The following VPS41 variants were observed in gnomAD, a reference collection of about 807,000 sequenced individuals.
VPS41 encodes vacuolar protein sorting-associated protein 41 homolog.
A neutral mutation model predicts 130.9 loss-of-function variants in VPS41; 85 were observed. That is an observed-to-expected ratio of 0.65 (90% CI 0.55 to 0.78). The LOEUF is 0.78. Ranked by LOEUF, VPS41 falls within the 30% of genes least tolerant of loss-of-function variation. The probability of loss-of-function intolerance (pLI) is 0.00; values close to 1 mark genes in which losing one functional copy is unlikely to be tolerated. For missense variants in VPS41, 874 were observed against 1,018.7 expected, an observed-to-expected ratio of 0.86 and a Z score of 1.93; for synonymous variants, 335 against 332.9, an observed-to-expected ratio of 1.01 and a Z score of -0.07.
intron 6 of VPS41, among the ~76,000 whole-genome samples, chr7:38,820,666 T>C (rs1785152216): frequency 6.6e-6 from 1 of 152,222 alleles, no homozygotes; most frequent in African/African-American, 2.4e-5. Flanking sequence ...TCTTGTGAAA[T>C]CAGTCTTTTA....
intron 14 of VPS41, among the ~76,000 whole-genome samples, chr7:38,769,872 T>C (rs1456495322): frequency 6.6e-6 from 1 of 152,122 alleles, no homozygotes; most frequent in Non-Finnish European, 1.5e-5. Flanking sequence ...AACAGGGAAA[T>C]CTGATGTCTG....
At chr7:38,805,740 G>C (rs1200008170) in intron 7 of VPS41, among the ~76,000 whole-genome samples, 1 of 152,102 alleles carries the variant, frequency 6.6e-6, no homozygotes, top group Non-Finnish European at 1.5e-5. Flanking sequence ...ATGGTTTTGG[G>C]GCAGACTCAC....
intron 1 of VPS41, among the ~76,000 whole-genome samples, chr7:38,900,837 A>G (rs1787124660): frequency 6.6e-6 from 1 of 152,338 alleles, no homozygotes; most frequent in Middle Eastern, 3.4e-3. Context: ...ATCCTACCAA[A>G]GCAATGCATG....
At chr7:38,743,126 T>C (rs1285536265) in intron 24 of VPS41, among the ~76,000 whole-genome samples, 6 of 152,162 alleles carry the variant, frequency 3.9e-5, no homozygotes, top group Admixed American at 3.9e-4. Context: ...TTCAATTTGC[T>C]TGCAGCAGGT....
chr7:38,900,510 T>C (rs1052993631), intron 1 of VPS41, among the ~76,000 whole-genome samples: 4 of 151,966 alleles, frequency 2.6e-5, no homozygotes, highest in East Asian at 1.9e-4. Flanking sequence ...TGTAACAAAA[T>C]TGCACCTGTA....
intron 25 of VPS41, among the ~76,000 whole-genome samples, chr7:38,731,859 G>A (rs764197613): frequency 5.3e-5 from 8 of 151,902 alleles, no homozygotes; most frequent in South Asian, 4.2e-4. Flanking sequence ...ATTTTCCCAC[G>A]TGCTTCAGAT....
intron 6 of VPS41, among the ~76,000 whole-genome samples, chr7:38,818,294 A>G (rs1200442760): frequency 1.3e-5 from 2 of 152,050 alleles, no homozygotes; most frequent in Non-Finnish European, 2.9e-5. Context: ...CTTGTCCAAG[A>G]TGACTCTCAA....
chr7:38,909,087 C>T (rs1449811308), intron 1 of VPS41, 67 bp downstream of exon 1: 8 of 1,597,482 alleles, frequency 5.0e-6, no homozygotes, highest in Admixed American at 5.0e-5. Context: ...CTCCACTCCA[C>T]CCTCCCCAAA....
intron 2 of VPS41, among the ~76,000 whole-genome samples, chr7:38,870,624 A>AT (rs1786330912): frequency 6.6e-6 from 1 of 152,084 alleles, no homozygotes; most frequent in South Asian, 2.1e-4. Flanking sequence ...CAGGTATGCC[A>AT]TAAGACGGGA....
chr7:38,907,744 C>T (rs1182309233), intron 1 of VPS41, among the ~76,000 whole-genome samples: 1 of 152,030 alleles, frequency 6.6e-6, no homozygotes, highest in Non-Finnish European at 1.5e-5. Context: ...TTTCTAGGAG[C>T]AACTCTCTCC....
intron 7 of VPS41, among the ~76,000 whole-genome samples, chr7:38,799,694 C>A (rs1489011313): frequency 1.3e-5 from 2 of 151,854 alleles, no homozygotes; most frequent in Non-Finnish European, 2.9e-5. Context: ...TCTAGAAATT[C>A]AAAAAATGCT....
chr7:38,878,367 T>C (rs181404594), intron 2 of VPS41, among the ~76,000 whole-genome samples: 1 of 152,240 alleles, frequency 6.6e-6, no homozygotes, highest in Non-Finnish European at 1.5e-5. Context: ...GCAAGTTCTA[T>C]TAAAAACCTT....
chr7:38,887,163 T>C (rs1329415558), intron 2 of VPS41, among the ~76,000 whole-genome samples: 1 of 152,154 alleles, frequency 6.6e-6, no homozygotes. Flanking sequence ...GGAACAAAAC[T>C]GGATGGATAA....
At chr7:38,889,417 A>G (rs10225550) in intron 2 of VPS41, among the ~76,000 whole-genome samples, 141,012 of 151,262 alleles carry the variant, frequency 0.93, 65,881 homozygotes, top group East Asian at 1. Context: ...CTTACCGGAA[A>G]CACCAATTCA....
intron 2 of VPS41, among the ~76,000 whole-genome samples, chr7:38,879,871 G>A (rs1200843232): frequency 7.0e-6 from 1 of 142,942 alleles, no homozygotes; most frequent in Non-Finnish European, 1.5e-5. Context: ...TCTTAATAAA[G>A]GTCACTAATG....
intron 22 of VPS41, among the ~76,000 whole-genome samples, chr7:38,749,901 C>T (rs548162273): frequency 2.0e-5 from 3 of 152,274 alleles, no homozygotes; most frequent in Middle Eastern, 3.4e-3. Flanking sequence ...TTTGCTTTCT[C>T]GCCTAGGCCG....
At chr7:38,843,161 A>G (rs1212232841) in intron 4 of VPS41, among the ~76,000 whole-genome samples, 2 of 152,252 alleles carry the variant, frequency 1.3e-5, no homozygotes, top group African/African-American at 2.4e-5. Context: ...TAAAGCCTCA[A>G]TTAAGTTCAA....
chr7:38,793,151 C>A (rs747200594), intron 9 of VPS41, among the ~76,000 whole-genome samples: 47 of 152,298 alleles, frequency 3.1e-4, no homozygotes, highest in Admixed American at 1.7e-3. Flanking sequence ...GCTATACTTA[C>A]TTGTTTTTGT....
chr7:38,766,808 G>A (rs1562578319), intron 15 of VPS41, among the ~76,000 whole-genome samples: 3 of 152,140 alleles, frequency 2.0e-5, no homozygotes, highest in Admixed American at 6.5e-5. Context: ...TGTGAAGAAC[G>A]ACACGTTTGC....
Sources: allele counts gnomAD v4.1 joint callset (sites outside exome capture counted in the v4.1 genomes callset), GRCh38; gene constraint gnomAD v4.1.1; transcripts MANE v1.5; gene names NCBI Gene and HGNC (gene_info 2026-07-23, HGNC 2026-07-21).